The following PTGER4 variants were observed in gnomAD, a reference collection of about 807,000 sequenced individuals.
The protein encoded by PTGER4 is prostaglandin E receptor 4, also known as prostaglandin E2 receptor EP4 subtype.
In PTGER4, 11 loss-of-function variants were observed where a neutral mutation model predicts 33.2. That is an observed-to-expected ratio of 0.33 (90% confidence interval 0.21 to 0.55). PTGER4 has a LOEUF of 0.55. PTGER4 is among the 20% of genes least tolerant of loss of function. The pLI is 0.92. For synonymous variants in PTGER4, 275 were observed against 281.5 expected (o/e 0.98, Z 0.23); for missense variants, 481 against 650.2 (o/e 0.74, Z 2.83).
chr5:40,724,175 T>G, the PTGER4 span, among the ~76,000 whole-genome samples: 1 of 152,034 alleles, frequency 6.6e-6, no homozygotes, highest in African/African-American at 2.4e-5. Context: ...ACACACAAAA[T>G]GAAATATTTT....
chr5:40,723,485 A>C, the PTGER4 span, among the ~76,000 whole-genome samples: 3 of 150,370 alleles, frequency 2.0e-5, no homozygotes, highest in African/African-American at 7.4e-5. Context: ...GCATAGGTTT[A>C]ACAATTAAAT....
intron 2 of PTGER4, among the ~76,000 whole-genome samples, chr5:40,690,505 A>G (rs1741441540): frequency 6.6e-6 from 1 of 152,196 alleles, no homozygotes; most frequent in South Asian, 2.1e-4. Context: ...AGCTACCTCT[A>G]TTTGAAATGT....
At chr5:40,731,543 G>A in the PTGER4 span, among the ~76,000 whole-genome samples, 2 of 152,316 alleles carry the variant, frequency 1.3e-5, no homozygotes, top group African/African-American at 4.8e-5. Flanking sequence ...TTCACATGGA[G>A]GCACGAGAGA....
At chr5:40,730,188 C>T in the PTGER4 span, 2 of 1,134,268 alleles carry the variant, frequency 1.8e-6, no homozygotes, top group East Asian at 4.8e-5. Flanking sequence ...TGCTATTTTG[C>T]TTCATCATTG....
At chr5:40,725,974 A>C in the PTGER4 span, among the ~76,000 whole-genome samples, 5 of 151,292 alleles carry the variant, frequency 3.3e-5, no homozygotes, top group Non-Finnish European at 7.4e-5. Flanking sequence ...TTTAGTAGAG[A>C]CGGGGTTTCA....
Position 40,693,022 on chromosome 5 carries a change from A to G in PTGER4, c.*644A>G, listed in dbSNP as rs542201662. 14 of 901,030 alleles carry G rather than the reference A, an allele frequency of 1.6e-5. No homozygotes were observed. The highest frequency in any genetic ancestry group is 1.8e-5 in the African/African-American group (1 of 55,440). 55.8% of individuals were successfully genotyped at this position (901,030 alleles called of 1,614,324 possible). On this transcript the variant is annotated 3_prime_UTR_variant, in exon 3 of 3. Transcript: ENST00000302472. The stretch of plus-strand genomic sequence containing the variant: ...AGATTGATATCTATAAAATAGATAT[A>G]AATTTTTAAGAGAAAGAATTTAGTA...
intron 2 of PTGER4, among the ~76,000 whole-genome samples, chr5:40,690,394 T>C (rs1034305910): frequency 2.0e-5 from 3 of 152,230 alleles, no homozygotes; most frequent in Non-Finnish European, 2.9e-5. Flanking sequence ...AGGATTAAAA[T>C]GATCATGTAA....
chr5:40,714,885 T>A, the PTGER4 span: 173 of 152,330 alleles, frequency 1.1e-3, 1 homozygote, highest in African/African-American at 4.0e-3. Flanking sequence ...AATACACCAA[T>A]AGTATCTTCC....
chr5:40,717,929 G>C, the PTGER4 span, among the ~76,000 whole-genome samples: 7 of 151,890 alleles, frequency 4.6e-5, no homozygotes, highest in East Asian at 1.4e-3. Flanking sequence ...AGGTGTGGTG[G>C]TGCACGCCTG....
chr5:40,717,929 G>T, the PTGER4 span, among the ~76,000 whole-genome samples: 45,173 of 151,812 alleles, frequency 0.3, 6,963 homozygotes, highest in East Asian at 0.55. Context: ...AGGTGTGGTG[G>T]TGCACGCCTG....
chr5:40,728,278 T>G, the PTGER4 span: 1 of 173,852 alleles, frequency 5.8e-6, no homozygotes, highest in Non-Finnish European at 1.0e-5. Context: ...CAAGACTCCA[T>G]CTCAAAAAAA....
In PTGER4 at chr5:40,691,209, G is replaced by T. The variant is rs1741461310; in HGVS notation, c.868-570G>T. Among the ~76,000 whole-genome samples the T allele has an allele frequency of 1.3e-5, 2 of 150,852 alleles. No homozygotes were observed. The highest frequency in any genetic ancestry group is 4.9e-5 in the African/African-American group (2 of 40,946). On this transcript the variant is annotated intron_variant, in intron 2 of 2. Coordinates refer to ENST00000302472, the MANE Select transcript of PTGER4 (RefSeq NM_000958.3). The surrounding 1 kb of genome is among the most constrained non-coding windows in gnomAD (Gnocchi z 4.2). ...CTAATTTTTGTTTTTTTGAGACGGA[G>T]TCTCGCTCTGTCGCCAGGCTGGAGT...
the PTGER4 span, among the ~76,000 whole-genome samples, chr5:40,722,329 C>G: frequency 2.6e-5 from 4 of 152,184 alleles, no homozygotes; most frequent in African/African-American, 9.6e-5. Context: ...GGCCGCCACC[C>G]CGTCTAGGAA....
At chr5:40,698,428 A>C (rs1741663491), downstream of PTGER4, among the ~76,000 whole-genome samples, 1 of 152,206 alleles carries the variant, frequency 6.6e-6, no homozygotes, top group Admixed American at 6.5e-5. Context: ...ACCAGTACTT[A>C]ATGTCCTAAA....
intron 2 of PTGER4, among the ~76,000 whole-genome samples, chr5:40,684,120 A>ACCCC (rs1220263752): frequency 5.1e-5 from 1 of 19,558 alleles, no homozygotes; most frequent in African/African-American, 1.9e-4. Context: ...TATGCCACCC[A>ACCCC]CCCACCCCCC....
intron 2 of PTGER4, among the ~76,000 whole-genome samples, chr5:40,682,321 G>T (rs1741218759): frequency 1.3e-5 from 2 of 152,184 alleles, no homozygotes; most frequent in South Asian, 4.1e-4. Flanking sequence ...GGGGTTTTTG[G>T]TGTTTTGATG....
downstream of PTGER4, among the ~76,000 whole-genome samples, chr5:40,698,291 T>TC (rs1741660962): frequency 1.3e-5 from 2 of 151,666 alleles, no homozygotes; most frequent in South Asian, 2.1e-4. Context: ...AATTTAATAA[T>TC]AATCATCATC....
chr5:40,691,698 A>G lies in PTGER4; in HGVS notation c.868-81A>G, dbSNP rs1441089108. The G allele has an allele frequency of 1.3e-5, 20 of 1,498,086 alleles. No homozygotes were observed. Among genetic ancestry groups the G allele is most frequent in the African/African-American group, 2.8e-5 (2 of 71,342 alleles). The allele number at this position is 1,498,086 out of a possible 1,614,324, so 92.8% of individuals were successfully genotyped here. A position where few individuals can be genotyped will look rare whatever the true frequency, so the allele number is the denominator to read the frequency against. On this transcript the variant is annotated intron_variant, in intron 2 of 2. Coordinates refer to ENST00000302472, the MANE Select transcript of PTGER4 (RefSeq NM_000958.3). The surrounding 1 kb of genome is among the most constrained non-coding windows in gnomAD (Gnocchi z 4.2). ...CCAGAAATGAAGGCAGCTTCCTAAT[A>G]TTGATAAGGTAGACATAGCATTTAT...
chr5:40,721,801 G>C, the PTGER4 span, among the ~76,000 whole-genome samples: 2 of 152,142 alleles, frequency 1.3e-5, no homozygotes, highest in South Asian at 4.1e-4. Flanking sequence ...AGGCAAGTGA[G>C]ATTACATCAA....
Sources: gnomAD v4.1 joint callset for allele counts (sites outside exome capture counted in the v4.1 genomes callset) on GRCh38, gnomAD v4.1.1 for gene constraint, Gnocchi (gnomAD v3.1) non-coding constraint, MANE v1.5 for transcripts, NCBI Gene and HGNC (gene_info 2026-07-23, HGNC 2026-07-21) for gene names.